USP24: variants seen among roughly 807,000 people sequenced by gnomAD.
USP24 encodes ubiquitin carboxyl-terminal hydrolase 24.
A neutral mutation model predicts 361.6 loss-of-function variants in USP24; 97 were observed. The observed-to-expected ratio is 0.27, with a 90% confidence interval of 0.23 to 0.32. The LOEUF (loss-of-function observed/expected upper bound fraction) is 0.32, where lower values mean the gene tolerates loss of function less well. Ranked by LOEUF, USP24 falls within the 10% of genes least tolerant of loss-of-function variation. USP24 has a pLI of 1.00. For synonymous variants in USP24, 1,098 were observed against 1,124.6 expected, an observed-to-expected ratio of 0.98 and a Z score of 0.47; for missense variants, 2,353 against 3,165.6, an observed-to-expected ratio of 0.74 and a Z score of 6.16.
intron 19 of USP24, 130 bp downstream of exon 19, chr1:55,146,799 C>G (rs1647040538): frequency 9.7e-7 from 1 of 1,030,298 alleles, no homozygotes; most frequent in African/African-American, 1.7e-5. Flanking sequence ...TTTTTCAGCA[C>G]TTACAGTTCT....
chr1:55,180,525 T>C (rs1643935149), intron 1 of USP24, among the ~76,000 whole-genome samples: 1 of 152,112 alleles, frequency 6.6e-6, no homozygotes, highest in Non-Finnish European at 1.5e-5. Context: ...CCAGCTGAGG[T>C]TCTCAGTATC....
In USP24 at chr1:55,141,707, G is replaced by T; in HGVS notation, c.2659C>A (p.Pro887Thr). The change falls in exon 24 of 68, where the codon CCC becomes ACC. Residue 887 changes from proline (P) to threonine (T), a missense_variant. By Grantham distance (38) the Pro-to-Thr change is conservative (BLOSUM62 -1). Coordinates refer to ENST00000294383, the MANE Select transcript of USP24 (RefSeq NM_015306.3). ...CTGGTCACAGCATGTGTTAGAGTGG[G>T]GCCACCAAGTGCTGAACTGGCTGCC... ...LEAASSALGG[P>T]TLTHAVTRAT... is the part of the protein sequence containing the mutation. 1 of 1,609,866 alleles carries T rather than the reference G, an allele frequency of 6.2e-7. No individual in the cohort carries two copies. Among genetic ancestry groups the T allele is most frequent in the Non-Finnish European group, 8.5e-7 (1 of 1,177,994 alleles).
chr1:55,074,034 T>TA, intron 63 of USP24, 128 bp from the exon 64 acceptor site: 1 of 560,376 alleles, frequency 1.8e-6, no homozygotes, highest in South Asian at 2.2e-5. Context: ...ACAACTTAAC[T>TA]AAAAGCATGG....
At chr1:55,132,108 C>T (rs1045005175) in intron 31 of USP24, among the ~76,000 whole-genome samples, 1 of 152,126 alleles carries the variant, frequency 6.6e-6, no homozygotes, top group Non-Finnish European at 1.5e-5. Flanking sequence ...TGTATTAAAG[C>T]TTCTTTTGGG....
At chr1:55,070,138 T>C (rs1007826132) in intron 67 of USP24, among the ~76,000 whole-genome samples, 3 of 151,844 alleles carry the variant, frequency 2.0e-5, no homozygotes, top group Non-Finnish European at 4.4e-5. Flanking sequence ...GGGGGTGCTG[T>C]GTGTGAGATA....
intron 7 of USP24, among the ~76,000 whole-genome samples, chr1:55,164,534 C>T (rs1648625043): frequency 6.6e-6 from 1 of 152,048 alleles, no homozygotes; most frequent in Non-Finnish European, 1.5e-5. Context: ...TCTAATTATA[C>T]CTGTCTCCTA....
At chr1:55,183,016 G>A (rs1219262813) in intron 1 of USP24, among the ~76,000 whole-genome samples, 1 of 152,034 alleles carries the variant, frequency 6.6e-6, no homozygotes, top group Non-Finnish European at 1.5e-5. Context: ...ACCGTGCCTG[G>A]CCAAAAAACA....
intron 1 of USP24, among the ~76,000 whole-genome samples, chr1:55,187,254 C>T (rs1437981154): frequency 1.3e-5 from 2 of 151,944 alleles, no homozygotes; most frequent in Admixed American, 1.3e-4. Context: ...TTTAAAACAA[C>T]GACAAAACAC....
chr1:55,177,409 C>A (rs1318908243), intron 2 of USP24, among the ~76,000 whole-genome samples: 1 of 152,162 alleles, frequency 6.6e-6, no homozygotes, highest in African/African-American at 2.4e-5. Context: ...TAGATCCTAA[C>A]AGGTGCTCAA....
intron 20 of USP24, 96 bp from the exon 21 acceptor site, chr1:55,144,299 A>C: frequency 1.4e-6 from 1 of 714,958 alleles, no homozygotes; most frequent in Non-Finnish European, 2.1e-6. Context: ...AAACCATAAG[A>C]CTCTTGGCAT....
At chr1:55,104,566 T>C (rs1180097613) in intron 41 of USP24, among the ~76,000 whole-genome samples, 1 of 152,226 alleles carries the variant, frequency 6.6e-6, no homozygotes, top group Non-Finnish European at 1.5e-5. Flanking sequence ...AAAGGCTTTC[T>C]ACACTGCCTG....
At chr1:55,102,767 T>C (rs1034256126) in intron 42 of USP24, among the ~76,000 whole-genome samples, 3 of 152,214 alleles carry the variant, frequency 2.0e-5, no homozygotes, top group African/African-American at 7.2e-5. Context: ...ATTATGCTGA[T>C]ATAATTTTTG....
At chr1:55,167,736 C>T (rs992126058) in intron 5 of USP24, among the ~76,000 whole-genome samples, 14 of 152,018 alleles carry the variant, frequency 9.2e-5, no homozygotes, top group Admixed American at 6.6e-5. Flanking sequence ...AATCAAAGGA[C>T]TTGTTTATGG....
chr1:55,211,711 C>T (rs925934102), intron 1 of USP24, among the ~76,000 whole-genome samples: 3 of 152,200 alleles, frequency 2.0e-5, no homozygotes, highest in African/African-American at 7.2e-5. Context: ...CAACACTCTA[C>T]TCCCTGCCCC....
intron 1 of USP24, among the ~76,000 whole-genome samples, chr1:55,209,261 TTC>T (rs879498321): frequency 6.6e-6 from 1 of 152,114 alleles, no homozygotes; most frequent in African/African-American, 2.4e-5. Context: ...ATCCAACTTC[TTC>T]TTTTTTTTTC....
chr1:55,069,964 G>C (rs1644887660), intron 67 of USP24, among the ~76,000 whole-genome samples: 1 of 151,704 alleles, frequency 6.6e-6, no homozygotes, highest in South Asian at 2.1e-4. Context: ...TGAGGATTCT[G>C]GCTTTTCTCC....
In USP24 at chr1:55,215,009, G is replaced by A. The variant is rs1370536835; in HGVS notation, c.105C>T (p.Asn35=). ...KALRLAKNDI[N]EAVALLTNER... is the part of the protein sequence containing the mutation. ...CGTTGGTGAGCAGTGCCACGGCCTC[G>A]TTAATGTCGTTCTTGGCCAGGCGCA... Residue 35 remains asparagine (N), a synonymous_variant, in exon 1 of 68, where the codon AAC becomes AAT. Coordinates refer to ENST00000294383, the MANE Select transcript of USP24 (RefSeq NM_015306.3). The A allele has an allele frequency of 1.4e-6, 2 of 1,474,446 alleles. No individual in the cohort carries two copies. The highest frequency in any genetic ancestry group is 2.2e-5 in the Admixed American group (1 of 45,450). The allele number at this position is 1,474,446 out of a possible 1,614,324, so 91.3% of individuals were successfully genotyped here. A position where few individuals can be genotyped will look rare whatever the true frequency, so the allele number is the denominator to read the frequency against.
intron 52 of USP24, among the ~76,000 whole-genome samples, chr1:55,093,200 T>C (rs1387046223): frequency 6.6e-6 from 1 of 152,234 alleles, no homozygotes; most frequent in African/African-American, 2.4e-5. Flanking sequence ...CTTGGTATTT[T>C]AGGTAGAAGG....
chr1:55,089,163 C>T (rs980040263), intron 55 of USP24, among the ~76,000 whole-genome samples: 1 of 152,114 alleles, frequency 6.6e-6, no homozygotes, highest in African/African-American at 2.4e-5. Flanking sequence ...GCCGTGGCCT[C>T]CCAAAGTGCA....
Sources: gnomAD v4.1 joint callset for allele counts (sites outside exome capture counted in the v4.1 genomes callset) on GRCh38, gnomAD v4.1.1 for gene constraint, MANE v1.5 for transcripts, NCBI Gene and HGNC (gene_info 2026-07-23, HGNC 2026-07-21) for gene names.